The following RTN4 variants were observed in gnomAD, a reference collection of about 807,000 sequenced individuals.
RTN4 encodes reticulon 4, also known as reticulon-4.
A neutral mutation model predicts 90.4 loss-of-function variants in RTN4; 32 were observed. That is an observed-to-expected ratio of 0.35 (90% CI 0.27 to 0.48). The LOEUF (loss-of-function observed/expected upper bound fraction) is 0.48. RTN4 is among the 20% of genes least tolerant of loss of function. RTN4 has a pLI of 0.99. For missense variants in RTN4, 1,706 were observed against 1,430.2 expected, an observed-to-expected ratio of 1.19 and a Z score of -3.11; for synonymous variants, 629 against 552.5, an observed-to-expected ratio of 1.14 and a Z score of -1.94.
At chr2:54,994,516 C>T (rs1679266212) in intron 3 of RTN4, among the ~76,000 whole-genome samples, 1 of 152,156 alleles carries the variant, frequency 6.6e-6, no homozygotes, top group South Asian at 2.1e-4. Flanking sequence ...AAGCATCTCA[C>T]AAACTCCAAC....
the RTN4 span, among the ~76,000 whole-genome samples, chr2:55,119,050 T>G: frequency 6.6e-6 from 1 of 152,144 alleles, no homozygotes; most frequent in Non-Finnish European, 1.5e-5. Context: ...TGGGGCCCCT[T>G]CCTGAGCTGT....
At chr2:55,124,092 GCC>G in the RTN4 span, among the ~76,000 whole-genome samples, 1 of 152,208 alleles carries the variant, frequency 6.6e-6, no homozygotes, top group East Asian at 1.9e-4. Flanking sequence ...GGAACTGCCA[GCC>G]CCACACATAG....
chr2:55,039,746 T>G (rs1435798544), intron 1 of RTN4, among the ~76,000 whole-genome samples: 1 of 152,182 alleles, frequency 6.6e-6, no homozygotes, highest in Non-Finnish European at 1.5e-5. Context: ...ACCACTGCAC[T>G]CCAGCCTGGG....
chr2:55,132,945 C>T, the RTN4 span, among the ~76,000 whole-genome samples: 3 of 150,578 alleles, frequency 2.0e-5, no homozygotes, highest in Admixed American at 6.6e-5. Context: ...GGTGTGGTGG[C>T]TCACACCTGT....
upstream of RTN4, among the ~76,000 whole-genome samples, chr2:55,052,293 G>GA (rs1245086734): frequency 1.3e-5 from 2 of 152,196 alleles, no homozygotes; most frequent in Non-Finnish European, 2.9e-5. Context: ...AATAATAGAG[G>GA]AAACTGTGGT....
chr2:55,065,515 T>TA (rs530373145), intron 2 of RTN4, among the ~76,000 whole-genome samples: 3,710 of 150,876 alleles, frequency 0.025, 78 homozygotes, highest in South Asian at 0.037. Flanking sequence ...ACTTATAAAA[T>TA]AAAAAAAAAA....
chr2:55,050,504 A>G, upstream of RTN4: 1 of 401,950 alleles, frequency 2.5e-6, no homozygotes, highest in Non-Finnish European at 4.4e-6. This position sits in a 1 kb window ranked among gnomAD's most constrained non-coding sequence, Gnocchi z 4.6. Context: ...CCCTGTCCCC[A>G]CTTGCCGCCG....
intron 1 of RTN4, among the ~76,000 whole-genome samples, chr2:55,111,848 C>T (rs560791132): frequency 2.4e-4 from 36 of 152,290 alleles, no homozygotes; most frequent in Non-Finnish European, 4.4e-4. Flanking sequence ...TCCATCTTCC[C>T]GAATGCTGCC....
At chr2:55,064,391 C>T (rs1172906443) in intron 2 of RTN4, among the ~76,000 whole-genome samples, 1 of 145,054 alleles carries the variant, frequency 6.9e-6, no homozygotes, top group African/African-American at 2.5e-5. Flanking sequence ...CTCTGTTGCC[C>T]AGGCTGGAGT....
At chr2:55,106,221 C>G (rs1192152862) in intron 1 of RTN4, among the ~76,000 whole-genome samples, 1 of 152,112 alleles carries the variant, frequency 6.6e-6, no homozygotes, top group Non-Finnish European at 1.5e-5. Flanking sequence ...CCTTCCTCAT[C>G]TGTAGTCCCA....
At chr2:55,020,178 C>A (rs1681323403) in intron 3 of RTN4, among the ~76,000 whole-genome samples, 1 of 152,050 alleles carries the variant, frequency 6.6e-6, no homozygotes, top group Non-Finnish European at 1.5e-5. Context: ...TACCAATGAC[C>A]TTCTTCACAG....
chr2:55,119,203 G>C, the RTN4 span, among the ~76,000 whole-genome samples: 3 of 152,100 alleles, frequency 2.0e-5, no homozygotes, highest in Non-Finnish European at 1.5e-5. Context: ...TTTTTGAAAC[G>C]TTTTTTTCCT....
chr2:55,069,605 T>A (rs1668451200), intron 2 of RTN4, among the ~76,000 whole-genome samples: 1 of 152,112 alleles, frequency 6.6e-6, no homozygotes, highest in Non-Finnish European at 1.5e-5. Flanking sequence ...CACCTGTGAG[T>A]TTCCTCTAAG....
chr2:55,029,228 GC>G (rs1218000762), intron 1 of RTN4, among the ~76,000 whole-genome samples: 8 of 152,126 alleles, frequency 5.3e-5, no homozygotes, highest in African/African-American at 1.9e-4. Context: ...AATCTACCTT[GC>G]CAGCACCTTG....
intron 1 of RTN4, among the ~76,000 whole-genome samples, chr2:55,085,532 C>T (rs1668821450): frequency 6.6e-6 from 1 of 152,170 alleles, no homozygotes; most frequent in African/African-American, 2.4e-5. Flanking sequence ...GTGTGATGCC[C>T]ACCCTCATAA....
chr2:55,112,460 A>G (rs1230470525), intron 1 of RTN4: 2 of 152,278 alleles, frequency 1.3e-5, no homozygotes, highest in African/African-American at 4.8e-5. Flanking sequence ...CACTTTCCAC[A>G]CTAGTATTGT....
chr2:55,086,858 CTG>C (rs1259991706), intron 1 of RTN4, among the ~76,000 whole-genome samples: 1 of 146,218 alleles, frequency 6.8e-6, no homozygotes, highest in Non-Finnish European at 1.5e-5. Context: ...CGATTTCTCA[CTG>C]TGTTTCTCAG....
chr2:55,062,217 T>G (rs925012629), intron 2 of RTN4, among the ~76,000 whole-genome samples: 1 of 151,586 alleles, frequency 6.6e-6, no homozygotes, highest in African/African-American at 2.4e-5. Context: ...CTTGCACTCA[T>G]TCTCCAAACC....
chr2:55,001,010 C>T (rs1352931339), intron 3 of RTN4, among the ~76,000 whole-genome samples: 2 of 151,944 alleles, frequency 1.3e-5, no homozygotes, highest in Middle Eastern at 3.2e-3. Context: ...TATGTAATTA[C>T]ATATGAACTA....
Sources: gnomAD v4.1 joint callset for allele counts (sites outside exome capture counted in the v4.1 genomes callset) on GRCh38, gnomAD v4.1.1 for gene constraint, Gnocchi (gnomAD v3.1) non-coding constraint, MANE v1.5 for transcripts, NCBI Gene and HGNC (gene_info 2026-07-23, HGNC 2026-07-21) for gene names.